Variants in CDK3 observed in about 807,000 individuals in gnomAD.
The protein encoded by CDK3 is cyclin dependent kinase 3, also known as cyclin-dependent kinase 3.
A neutral mutation model predicts 30.2 loss-of-function variants in CDK3; 24 were observed. The ratio of observed to expected loss-of-function variants is 0.79; its 90% CI spans 0.57 to 1.12. The LOEUF (loss-of-function observed/expected upper bound fraction) is 1.12, where lower values mean the gene tolerates loss of function less well. CDK3 is among the 50% of genes most tolerant of loss of function. The pLI is 0.00. For synonymous variants in CDK3, 158 were observed against 154.2 expected (o/e 1.02, Z -0.18); for missense variants, 345 against 376.0 (o/e 0.92, Z 0.68).
rs778380506 is a variant in CDK3, at chr17:76,005,681, GC to G, written c.*260del. ...GGGGTCCCCGGGCACTGGAACAAGT[GC>G]CAAGTTGAAGGCAGGGGGCCTGCCA... On this transcript the variant is annotated 3_prime_UTR_variant, in exon 8 of 8. Transcript: ENST00000448471. The surrounding 1 kb of genome is among the most constrained non-coding windows in gnomAD (Gnocchi z 4.7). 1.4e-4 allele frequency: 57 copies of G among 410,074 alleles called. No individual in the cohort carries two copies. The highest frequency in any genetic ancestry group is 6.6e-4 in the Middle Eastern group (1 of 1,516). 25.4% of individuals were successfully genotyped at this position (410,074 alleles called of 1,614,324 possible). A position where few individuals can be genotyped will look rare whatever the true frequency, so the allele number is the denominator to read the frequency against.
chr17:76,003,896 C>G (rs1339941304), intron 7 of CDK3, among the ~76,000 whole-genome samples: 2 of 152,132 alleles, frequency 1.3e-5, no homozygotes, highest in Non-Finnish European at 2.9e-5. Context: ...GTGCCTGCCA[C>G]CACGCCCAGC....
Position 76,002,538 on chromosome 17 carries a change from G to T in CDK3, c.514G>T (p.Glu172Ter). Residue 172 changes from glutamate to a stop codon, truncating the protein, a stop_gained, in exon 6 of 8, where the codon GAG becomes TAG. Coordinates refer to ENST00000448471, the MANE Select transcript of CDK3 (RefSeq NM_001258.4). LOFTEE classifies it high-confidence loss of function. The surrounding 1 kb of genome is among the most constrained non-coding windows in gnomAD (Gnocchi z 4.3). ...GGTGACACTGTGGTATCGCGCCCCC[G>T]AGATTCTCTTGGGCAGCAAGTTCTA... ...EVVTLWYRAPEILLGSKFYTT... is the reference protein window; with the variant it reads ...EVVTLWYRAP 1 of 1,156,172 alleles carries T rather than the reference G, an allele frequency of 8.6e-7. No homozygotes were observed. Among genetic ancestry groups the T allele is most frequent in the South Asian group, 1.2e-5 (1 of 81,958 alleles). The allele number at this position is 1,156,172 out of a possible 1,614,324, so 71.6% of individuals were successfully genotyped here. A position where few individuals can be genotyped will look rare whatever the true frequency, so the allele number is the denominator to read the frequency against.
In CDK3 at chr17:76,002,447, C is replaced by A. The variant is rs748144536; in HGVS notation, c.486+29C>A. ...TTGTGAGACAAAGAGGAGAGAGGGG[C>A]AGCAGGAGGAGTGTCACCCATGCAC... is the stretch of plus-strand genomic sequence containing the variant. On this transcript the variant is annotated intron_variant, in intron 5 of 7. Transcript: ENST00000448471. The surrounding 1 kb of genome is among the most constrained non-coding windows in gnomAD (Gnocchi z 4.3). 2.5e-6 allele frequency: 4 copies of A among 1,611,360 alleles called. No individual in the cohort carries two copies. The South Asian group carries it at 4.4e-5, about 18-fold the overall frequency.
At chr17:76,003,642 C>T (rs1442075109) in intron 7 of CDK3, among the ~76,000 whole-genome samples, 1 of 152,240 alleles carries the variant, frequency 6.6e-6, no homozygotes, top group Admixed American at 6.5e-5. Context: ...GTGCTACACG[C>T]CCTTTTTCCC....
chr17:76,001,148 CT>C lies in CDK3; in HGVS notation c.-15+182del. On this transcript the variant is annotated intron_variant, in intron 1 of 7. Coordinates refer to ENST00000448471, the MANE Select transcript of CDK3 (RefSeq NM_001258.4). The surrounding 1 kb of genome is among the most constrained non-coding windows in gnomAD (Gnocchi z 6.2). Reference sequence around the variant, plus strand: ...CCGAGGCCGGGCATGGGCGAGAAGCCTGGGGGTCCTGGCTGAACTGGGCTGG... The same window carrying C: ...CCGAGGCCGGGCATGGGCGAGAAGCCGGGGGTCCTGGCTGAACTGGGCTGG... 7.7e-7 allele frequency: 1 copy of C among 1,297,662 alleles called. No individual in the cohort carries two copies. The highest frequency in any genetic ancestry group is 1.5e-5 in the South Asian group (1 of 64,926). 80.4% of individuals were successfully genotyped at this position (1,297,662 alleles called of 1,614,324 possible).
At chr17:76,003,112 C>A in intron 6 of CDK3, 83 bp from the exon 7 acceptor site, 1 of 1,138,356 alleles carries the variant, frequency 8.8e-7, no homozygotes, top group Non-Finnish European at 1.3e-6. Flanking sequence ...ACAGGCCTCT[C>A]CCTGGGTCTG....
Position 76,001,947 on chromosome 17 carries a change from G to A in CDK3, c.190G>A (p.Val64Ile), listed in dbSNP as rs201723925. The A allele has an allele frequency of 8.0e-5, 129 of 1,613,682 alleles. No homozygotes were observed. Among genetic ancestry groups the A allele is most frequent in the Non-Finnish European group, 3.2e-5 (38 of 1,179,794 alleles). The stretch of plus-strand genomic sequence containing the variant: ...CAAGGAACTGAAGCACCCCAACATC[G>A]TCCGGTGAGTTGGGGATTGAGGTGG... Reference protein sequence around the residue: ...LLKELKHPNIVRLLDVVHNER... With the variant: ...LLKELKHPNIIRLLDVVHNER... Residue 64 changes from valine to isoleucine, a missense_variant, in exon 3 of 8, where the codon GTC (valine) becomes ATC (isoleucine). Coordinates refer to ENST00000448471, the MANE Select transcript of CDK3 (RefSeq NM_001258.4). The surrounding 1 kb of genome is among the most constrained non-coding windows in gnomAD (Gnocchi z 6.2).
chr17:76,005,614 C>T lies in CDK3; in HGVS notation c.*191C>T, dbSNP rs555992296. ...ATCCTGTGTTGTTTTTTGGGTTGGA[C>T]GGTGCCGTTTCAAAATAGAGGCACA... On this transcript the variant is annotated 3_prime_UTR_variant, in exon 8 of 8. Transcript: ENST00000448471. This position sits in a 1 kb window ranked among gnomAD's most constrained non-coding sequence, Gnocchi z 4.7. The T allele has an allele frequency of 1.7e-5, 11 of 638,588 alleles. No individual in the cohort carries two copies. The highest frequency in any genetic ancestry group is 9.2e-5 in the African/African-American group (5 of 54,240). 39.6% of individuals were successfully genotyped at this position (638,588 alleles called of 1,614,324 possible).
In CDK3 at chr17:76,005,877, T is replaced by G; in HGVS notation, c.*454T>G. On this transcript the variant is annotated 3_prime_UTR_variant, in exon 8 of 8. Coordinates refer to ENST00000448471, the MANE Select transcript of CDK3 (RefSeq NM_001258.4). The surrounding 1 kb of genome is among the most constrained non-coding windows in gnomAD (Gnocchi z 4.7). ...GGAGTGAGGGAGAGGAGAGAGGGCG[T>G]TCCCCGGATCCCAGGAGAGCTGGGC... 1 of 157,982 alleles carries G rather than the reference T, an allele frequency of 6.3e-6. No homozygotes were observed. Among genetic ancestry groups the G allele is most frequent in the Non-Finnish European group, 1.4e-5 (1 of 71,640 alleles). 9.8% of individuals were successfully genotyped at this position (157,982 alleles called of 1,614,324 possible).
Position 76,003,368 on chromosome 17 carries a change from T to A in CDK3, c.762T>A (p.Asn254Lys), listed in dbSNP as rs1255794835. ...AGGGACTGGAAGAGATTGTGCCCAA[T>A]CTGGAGCCAGAGGGCAGGGACCTGC... ...TRKGLEEIVP[N>K]LEPEGRDLLM... Residue 254 changes from asparagine to lysine, a missense_variant, in exon 7 of 8, where the codon AAT (asparagine) becomes AAA (lysine). By Grantham distance (94) the Asn-to-Lys change is moderately conservative. Transcript: ENST00000448471. 2 of 1,613,674 alleles carry A rather than the reference T, an allele frequency of 1.2e-6. No homozygotes were observed. The highest frequency in any genetic ancestry group is 2.2e-5 in the South Asian group (2 of 91,068).
Position 76,001,778 on chromosome 17 carries a change from T to G in CDK3, c.117-96T>G. The G allele has an allele frequency of 8.2e-7, 1 of 1,216,354 alleles. No homozygotes were observed. Among genetic ancestry groups the G allele is most frequent in the Non-Finnish European group, 1.1e-6 (1 of 869,734 alleles). 75.3% of individuals were successfully genotyped at this position (1,216,354 alleles called of 1,614,324 possible). Reference sequence around the variant, plus strand: ...CAGGTCTCCATTGCCGGGGCCCTGGTCATTCTGTGGGGTTAAGGAGAAGCC... The same window carrying G: ...CAGGTCTCCATTGCCGGGGCCCTGGGCATTCTGTGGGGTTAAGGAGAAGCC... On this transcript the variant is annotated intron_variant, in intron 2 of 7. Coordinates refer to ENST00000448471, the MANE Select transcript of CDK3 (RefSeq NM_001258.4). The surrounding 1 kb of genome is among the most constrained non-coding windows in gnomAD (Gnocchi z 6.2).
Position 76,001,534 on chromosome 17 carries a change from C to A in CDK3, c.109C>A (p.Leu37Met). The A allele has an allele frequency of 6.2e-7, 1 of 1,613,762 alleles. No homozygotes were observed. Among genetic ancestry groups the A allele is most frequent in the East Asian group, 2.2e-5 (1 of 44,874 alleles). ...GCTGGTGGCCCTGAAGAAGATCAGACTGGATTTGTGAGTGCTGGGACGGCC... is the reference window on the plus strand; with the variant it reads ...GCTGGTGGCCCTGAAGAAGATCAGAATGGATTTGTGAGTGCTGGGACGGCC... ...GQLVALKKIRLDLEMEGVPST... is the reference protein window; with the variant it reads ...GQLVALKKIRMDLEMEGVPST... The change falls in exon 2 of 8, where the codon CTG (leucine) becomes ATG (methionine). Residue 37 changes from leucine to methionine, a missense_variant. Coordinates refer to ENST00000448471, the MANE Select transcript of CDK3 (RefSeq NM_001258.4). The surrounding 1 kb of genome is among the most constrained non-coding windows in gnomAD (Gnocchi z 6.2).
chr17:76,003,633 T>G (rs2066282224), intron 7 of CDK3, among the ~76,000 whole-genome samples: 1 of 152,274 alleles, frequency 6.6e-6, no homozygotes, highest in African/African-American at 2.4e-5. Flanking sequence ...CTTTATGCTG[T>G]GCTACACGCC....
rs1019822237 is a variant in CDK3 at position 76,002,665 on chromosome 17, G to C, written c.588+53G>C. On this transcript the variant is annotated intron_variant, in intron 6 of 7. Transcript: ENST00000448471. The surrounding 1 kb of genome is among the most constrained non-coding windows in gnomAD (Gnocchi z 4.3). ...GGGTGCCACAGGCAGGGTCCTACTG[G>C]GGTTGGGTGGGGTCCACTGATGCTC... The C allele has an allele frequency of 1.2e-5, 9 of 776,136 alleles. No homozygotes were observed. In the African/African-American group the frequency reaches 1.5e-4, roughly 13 times the overall value. 48.1% of individuals were successfully genotyped at this position (776,136 alleles called of 1,614,324 possible).
At position 76,005,531 on chromosome 17, in the gene CDK3, T is replaced by C; in HGVS notation, c.*108T>C. The C allele has an allele frequency of 1.5e-6, 2 of 1,347,348 alleles. No individual in the cohort carries two copies. The highest frequency in any genetic ancestry group is 2.0e-6 in the Non-Finnish European group (2 of 982,950). The allele number at this position is 1,347,348 out of a possible 1,614,324, so 83.5% of individuals were successfully genotyped here. Reference sequence around the variant, plus strand: ...CTGGGGAGAGCAAAGCACTAAGGAATTCAGCATCAGCCTGCAGAGGGCTGA... The same window carrying C: ...CTGGGGAGAGCAAAGCACTAAGGAACTCAGCATCAGCCTGCAGAGGGCTGA... On this transcript the variant is annotated 3_prime_UTR_variant, in exon 8 of 8. Transcript: ENST00000448471. The surrounding 1 kb of genome is among the most constrained non-coding windows in gnomAD (Gnocchi z 4.7).
Position 76,005,646 on chromosome 17 carries a change from C to A in CDK3, c.*223C>A. The A allele has an allele frequency of 3.8e-6, 2 of 522,410 alleles. No individual in the cohort carries two copies. The highest frequency in any genetic ancestry group is 2.5e-5 in the South Asian group (1 of 39,398). 32.4% of individuals were successfully genotyped at this position (522,410 alleles called of 1,614,324 possible). A position where few individuals can be genotyped will look rare whatever the true frequency, so the allele number is the denominator to read the frequency against. ...GTTTCAAAATAGAGGCACAGATGCT[C>A]CATGCACGAGGGGTCCCCGGGCACT... On this transcript the variant is annotated 3_prime_UTR_variant, in exon 8 of 8. Transcript: ENST00000448471. The surrounding 1 kb of genome is among the most constrained non-coding windows in gnomAD (Gnocchi z 4.7).
rs1261334008 is a variant in CDK3 at position 76,005,100 on chromosome 17, G to T, written c.793-198G>T. ...CAGCTTCAGTGGCCTGAGGAGACCT[G>T]GGTGACTCGTTAGGACTGTCCAGAT... On this transcript the variant is annotated intron_variant, in intron 7 of 7. Coordinates refer to ENST00000448471, the MANE Select transcript of CDK3 (RefSeq NM_001258.4). This position sits in a 1 kb window ranked among gnomAD's most constrained non-coding sequence, Gnocchi z 4.7. Among the ~76,000 whole-genome samples the T allele has an allele frequency of 3.9e-5, 6 of 152,160 alleles. No individual in the cohort carries two copies.
chr17:76,002,826 C>T lies in CDK3; in HGVS notation c.588+214C>T, dbSNP rs1391168193. 3.9e-5 allele frequency: 22 copies of T among 561,548 alleles called. No individual in the cohort carries two copies. Among genetic ancestry groups the T allele is most frequent in the Middle Eastern group, 9.5e-4 (2 of 2,096 alleles). 34.8% of individuals were successfully genotyped at this position (561,548 alleles called of 1,614,324 possible). On this transcript the variant is annotated intron_variant, in intron 6 of 7. Coordinates refer to ENST00000448471, the MANE Select transcript of CDK3 (RefSeq NM_001258.4). The surrounding 1 kb of genome is among the most constrained non-coding windows in gnomAD (Gnocchi z 4.3). ...CCAGCCTGGGCAACGTAACAAATCCCCAGCTCTTAAAAAACTACAAAAATT... is the reference window on the plus strand; with the variant it reads ...CCAGCCTGGGCAACGTAACAAATCCTCAGCTCTTAAAAAACTACAAAAATT...
In CDK3 at chr17:76,001,610, T is replaced by C; in HGVS notation, c.116+69T>C. 7.5e-7 allele frequency: 1 copy of C among 1,336,078 alleles called. No individual in the cohort carries two copies. Among genetic ancestry groups the C allele is most frequent in the Non-Finnish European group, 1.1e-6 (1 of 943,292 alleles). 82.8% of individuals were successfully genotyped at this position (1,336,078 alleles called of 1,614,324 possible). A position where few individuals can be genotyped will look rare whatever the true frequency, so the allele number is the denominator to read the frequency against. On this transcript the variant is annotated intron_variant, in intron 2 of 7. Coordinates refer to ENST00000448471, the MANE Select transcript of CDK3 (RefSeq NM_001258.4). This position sits in a 1 kb window ranked among gnomAD's most constrained non-coding sequence, Gnocchi z 6.2. ...ACAACCTGGGCGCTCCCTGATCCGTTCCCTCTTTCCTGGAGTCCACGTTTA... is the reference window on the plus strand; with the variant it reads ...ACAACCTGGGCGCTCCCTGATCCGTCCCCTCTTTCCTGGAGTCCACGTTTA...
Sources: allele counts gnomAD v4.1 joint callset (sites outside exome capture counted in the v4.1 genomes callset), GRCh38; gene constraint gnomAD v4.1.1; non-coding constraint Gnocchi (gnomAD v3.1); transcripts MANE v1.5; gene names NCBI Gene and HGNC (gene_info 2026-07-23, HGNC 2026-07-21).